ZNF423: variants seen among roughly 807,000 people sequenced by gnomAD.
The protein encoded by ZNF423 is zinc finger protein 423.
In ZNF423, 12 loss-of-function variants were observed where a neutral mutation model predicts 95.8. The ratio of observed to expected loss-of-function variants is 0.13; its 90% CI spans 0.08 to 0.20. The LOEUF is 0.20. ZNF423 is among the 10% of genes least tolerant of loss of function. ZNF423 has a pLI of 1.00. For missense variants in ZNF423, 1,316 were observed against 1,737.1 expected, an observed-to-expected ratio of 0.76 and a Z score of 4.31; for synonymous variants, 749 against 711.9, an observed-to-expected ratio of 1.05 and a Z score of -0.83.
chr16:49,571,008 G>A (rs1970337631), intron 5 of ZNF423, among the ~76,000 whole-genome samples: 1 of 152,236 alleles, frequency 6.6e-6, no homozygotes, highest in Non-Finnish European at 1.5e-5. Context: ...AGGAGGGCTG[G>A]ATGGACAGAC....
Position 49,730,967 on chromosome 16 carries a change from G to A in ZNF423, c.105C>T (p.Gly35=), listed in dbSNP as rs748974233. 4 of 1,614,122 alleles carry A rather than the reference G, an allele frequency of 2.5e-6. No homozygotes were observed. The highest frequency in any genetic ancestry group is 3.4e-6 in the Non-Finnish European group (4 of 1,180,008). ...GATCGCACTCTGGCTCTCCTTCTAG[G>A]CCTCCTGCCAACAGGAAGAATACAG... ...AWDSSVTAAG[G]LEGEPECDQK... is the part of the protein sequence containing the mutation. The change falls in exon 3 of 8, where the codon GGC becomes GGT. Residue 35 remains glycine, a synonymous_variant. Transcript: ENST00000563137.
intron 5 of ZNF423, among the ~76,000 whole-genome samples, chr16:49,600,633 T>C (rs550323717): frequency 1.3e-5 from 2 of 152,220 alleles, no homozygotes; most frequent in African/African-American, 2.4e-5. Flanking sequence ...CCATGCGCCA[T>C]GGCCTCCCCT....
At chr16:49,854,475 G>C in intron 1 of ZNF423, 1 of 985,468 alleles carries the variant, frequency 1.0e-6, no homozygotes, top group Non-Finnish European at 1.2e-6. Flanking sequence ...CAGGCCTCCA[G>C]GAAATGAACT....
chr16:49,768,295 T>G (rs1057047534), intron 2 of ZNF423, among the ~76,000 whole-genome samples: 14 of 152,194 alleles, frequency 9.2e-5, no homozygotes, highest in African/African-American at 3.4e-4. Context: ...AGAGTTCATT[T>G]CATTAACCCG....
At chr16:49,659,445 A>G (rs1281123129) in intron 3 of ZNF423, among the ~76,000 whole-genome samples, 1 of 152,056 alleles carries the variant, frequency 6.6e-6, no homozygotes, top group Non-Finnish European at 1.5e-5. Flanking sequence ...TAGACCCCCC[A>G]TTTTACGATG....
intron 5 of ZNF423, among the ~76,000 whole-genome samples, chr16:49,571,774 C>G (rs1970363860): frequency 6.6e-6 from 1 of 152,130 alleles, no homozygotes; most frequent in Non-Finnish European, 1.5e-5. Context: ...AGCCCCTCCC[C>G]ACTCGAACCC....
chr16:49,755,236 G>T (rs147613987), intron 2 of ZNF423, among the ~76,000 whole-genome samples: 1 of 152,316 alleles, frequency 6.6e-6, no homozygotes, highest in East Asian at 1.9e-4. Context: ...AAATAACAAA[G>T]CAGGCGGGAA....
chr16:49,489,297 G>A lies in ZNF423; in HGVS notation c.*1978C>T, dbSNP rs921034462. 1 of 152,310 alleles carries A rather than the reference G, an allele frequency of 6.6e-6. No individual in the cohort carries two copies. 9.4% of individuals were successfully genotyped at this position (152,310 alleles called of 1,614,324 possible). On this transcript the variant is annotated 3_prime_UTR_variant, in exon 8 of 8. Coordinates refer to ENST00000563137, the MANE Select transcript of ZNF423 (RefSeq NM_001379286.1). ...TGCCCAAAAGGTAGGCCTGGCTGTG[G>A]ATGTGTGGCAGCCTCACTCAGACAT... is the stretch of plus-strand genomic sequence containing the variant.
At position 49,727,846 on chromosome 16, in the gene ZNF423, G is replaced by C. The variant is rs530227295; in HGVS notation, c.301+2925C>G. 7.2e-5 allele frequency among the ~76,000 whole-genome samples: 11 copies of C among 152,326 alleles called. No homozygotes were observed. The East Asian group carries it at 2.1e-3, about 29-fold the overall frequency. On this transcript the variant is annotated intron_variant, in intron 3 of 7. Coordinates refer to ENST00000563137, the MANE Select transcript of ZNF423 (RefSeq NM_001379286.1). ...GCCTGCGCCCAGCGCGGCCCTCTCGGACACGGTCTCTATTGGGCTTCTATC... is the reference window on the plus strand; with the variant it reads ...GCCTGCGCCCAGCGCGGCCCTCTCGCACACGGTCTCTATTGGGCTTCTATC...
At chr16:49,829,412 C>T (rs144544506) in intron 1 of ZNF423, among the ~76,000 whole-genome samples, 141 of 152,324 alleles carry the variant, frequency 9.3e-4, no homozygotes, top group Non-Finnish European at 1.6e-3. Flanking sequence ...GAGCTATGAT[C>T]ACACCACTGC....
chr16:49,602,983 C>A (rs1299770750), intron 5 of ZNF423, among the ~76,000 whole-genome samples: 1 of 152,338 alleles, frequency 6.6e-6, no homozygotes, highest in East Asian at 1.9e-4. Flanking sequence ...GCAGCGCCCG[C>A]GTGGAGCCCT....
chr16:49,612,047 T>C (rs1971739398), intron 5 of ZNF423, among the ~76,000 whole-genome samples: 1 of 152,038 alleles, frequency 6.6e-6, no homozygotes, highest in African/African-American at 2.4e-5. Flanking sequence ...TGGATAAATC[T>C]AACAAATGTT....
chr16:49,527,609 G>T lies in ZNF423; in HGVS notation c.3602-2115C>A, dbSNP rs551566801. Among the ~76,000 whole-genome samples the T allele has an allele frequency of 9.8e-5, 15 of 152,290 alleles. No homozygotes were observed. The South Asian group carries it at 3.1e-3, about 32-fold the overall frequency. On this transcript the variant is annotated intron_variant, in intron 5 of 7. Transcript: ENST00000563137. Reference sequence around the variant, plus strand: ...CCCGTGGACATTAAGGAGGGAGGGGGTATGTGAGGTTGACAACTGTGCAGA... The same window carrying T: ...CCCGTGGACATTAAGGAGGGAGGGGTTATGTGAGGTTGACAACTGTGCAGA...
At position 49,855,435 on chromosome 16, in the gene ZNF423, C is replaced by T. The variant is rs1280955731; in HGVS notation, c.40+300G>A. Among the ~76,000 whole-genome samples the T allele has an allele frequency of 1.3e-5, 2 of 151,378 alleles. No individual in the cohort carries two copies. The highest frequency in any genetic ancestry group is 4.8e-5 in the African/African-American group (2 of 41,252). On this transcript the variant is annotated intron_variant, in intron 1 of 7. Coordinates refer to ENST00000563137, the MANE Select transcript of ZNF423 (RefSeq NM_001379286.1). This position sits in a 1 kb window ranked among gnomAD's most constrained non-coding sequence, Gnocchi z 4.7. Reference sequence around the variant, plus strand: ...GGAGGGAGCGGCAAGGGCCCCTTAGCGGCGCCCCCAGGCCTGGGTCCCCCA... The same window carrying T: ...GGAGGGAGCGGCAAGGGCCCCTTAGTGGCGCCCCCAGGCCTGGGTCCCCCA...
intron 2 of ZNF423, among the ~76,000 whole-genome samples, chr16:49,769,135 C>G (rs1953500494): frequency 6.6e-6 from 1 of 152,162 alleles, no homozygotes; most frequent in Non-Finnish European, 1.5e-5. Flanking sequence ...GCGGGTGGAT[C>G]ACCTGAGGTC....
At chr16:49,587,659 A>G (rs1970884517) in intron 5 of ZNF423, among the ~76,000 whole-genome samples, 1 of 152,068 alleles carries the variant, frequency 6.6e-6, no homozygotes, top group Non-Finnish European at 1.5e-5. Flanking sequence ...TGAGGACAAG[A>G]GTGTCTAAGG....
chr16:49,579,647 C>T (rs939871117), intron 5 of ZNF423, among the ~76,000 whole-genome samples: 4 of 152,084 alleles, frequency 2.6e-5, no homozygotes, highest in Non-Finnish European at 4.4e-5. Flanking sequence ...CTGAGGCTTG[C>T]GTAGGAGTAA....
chr16:49,619,303 A>C (rs948097681), intron 5 of ZNF423, among the ~76,000 whole-genome samples: 1 of 152,220 alleles, frequency 6.6e-6, no homozygotes, highest in Non-Finnish European at 1.5e-5. Context: ...TTTACTGAAC[A>C]TGAAGGTATG....
chr16:49,782,894 C>T (rs1315971363), intron 2 of ZNF423, among the ~76,000 whole-genome samples: 1 of 148,216 alleles, frequency 6.7e-6, no homozygotes, highest in Non-Finnish European at 1.5e-5. Context: ...GAGGCTGAGA[C>T]AGGAGGATTG....
Sources: allele counts gnomAD v4.1 joint callset (sites outside exome capture counted in the v4.1 genomes callset), GRCh38; gene constraint gnomAD v4.1.1; non-coding constraint Gnocchi (gnomAD v3.1); transcripts MANE v1.5; gene names NCBI Gene and HGNC (gene_info 2026-07-23, HGNC 2026-07-21).